SNRPN: variants seen among roughly 807,000 people sequenced by gnomAD.
SNRPN encodes small nuclear ribonucleoprotein polypeptide N, also known as small nuclear ribonucleoprotein-associated protein N.
SNRPN carries 7 observed loss-of-function variants against 25.2 expected under a neutral mutation model. That is an observed-to-expected ratio of 0.28 (90% CI 0.16 to 0.52). The LOEUF (loss-of-function observed/expected upper bound fraction) is 0.52, where lower values mean the gene tolerates loss of function less well. Among genes scored for constraint, SNRPN ranks in the 20% least tolerant of loss-of-function variants. The pLI is 0.96. For synonymous variants in SNRPN, 124 were observed against 110.6 expected, an observed-to-expected ratio of 1.12 and a Z score of -0.76; for missense variants, 196 against 322.5, an observed-to-expected ratio of 0.61 and a Z score of 3.00.
rs146618354 is a variant in SNRPN at position 24,968,163 on chromosome 15, C to T, written c.-144+81C>T. 1,024 of 844,794 alleles carry T rather than the reference C, an allele frequency of 1.2e-3. 6 individuals are homozygous for T. The African/African-American group carries it at 0.016, about 13-fold the overall frequency. 52.3% of individuals were successfully genotyped at this position (844,794 alleles called of 1,614,324 possible). On this transcript the variant is annotated intron_variant, in intron 3 of 9. Transcript: ENST00000390687. ...TGGGGGTTCTCTTAATTATCAGTGA[C>T]ACATTAATTTTTTTCCTTAGAGCTT... is the stretch of plus-strand genomic sequence containing the variant.
At chr15:24,907,738 G>A (rs369944231) in intron 2 of SNRPN, among the ~76,000 whole-genome samples, 19 of 151,788 alleles carry the variant, frequency 1.3e-4, no homozygotes, top group Middle Eastern at 3.4e-3. Context: ...AAGCCACCAC[G>A]CCTGGCCAAG....
intron 2 of SNRPN, among the ~76,000 whole-genome samples, chr15:24,836,506 T>G (rs117664854): frequency 0.14 from 21,463 of 151,474 alleles, 1,745 homozygotes; most frequent in African/African-American, 0.21. Flanking sequence ...CTGCGTCCCG[T>G]TTTCAAGCGA....
chr15:24,915,761 A>G (rs1236391607), intron 2 of SNRPN, among the ~76,000 whole-genome samples: 3 of 152,150 alleles, frequency 2.0e-5, no homozygotes, highest in East Asian at 1.9e-4. Flanking sequence ...TTGTAATTTG[A>G]CTTTTAAAAA....
At chr15:24,976,237 G>A in intron 5 of SNRPN, 68 bp from the exon 6 acceptor site, 1 of 1,191,726 alleles carries the variant, frequency 8.4e-7, no homozygotes, top group Non-Finnish European at 1.2e-6. Context: ...ACTTGAGGTT[G>A]TATAAATATT....
At chr15:24,945,395 C>T (rs1211354077) in intron 3 of SNRPN, among the ~76,000 whole-genome samples, 1 of 142,014 alleles carries the variant, frequency 7.0e-6, no homozygotes, top group Non-Finnish European at 1.5e-5. Context: ...ATGGTAGGTA[C>T]CTGTGCATAT....
chr15:24,917,310 A>G (rs2059587567), intron 2 of SNRPN, among the ~76,000 whole-genome samples: 4 of 152,154 alleles, frequency 2.6e-5, no homozygotes, highest in Admixed American at 2.6e-4. Flanking sequence ...TCCATCAACG[A>G]TTTAGTTCCT....
At chr15:24,844,700 CT>C (rs1420674708) in intron 2 of SNRPN, among the ~76,000 whole-genome samples, 1 of 151,870 alleles carries the variant, frequency 6.6e-6, no homozygotes, top group African/African-American at 2.4e-5. Flanking sequence ...AATTTTTGTA[CT>C]TTTGTAGAGA....
rs2076818522 is a variant in SNRPN at position 24,974,338 on chromosome 15, C to T, written c.-116C>T. 2 of 917,440 alleles carry T rather than the reference C, an allele frequency of 2.2e-6. No homozygotes were observed. The highest frequency in any genetic ancestry group is 2.6e-5 in the South Asian group (2 of 75,638). 56.8% of individuals were successfully genotyped at this position (917,440 alleles called of 1,614,324 possible). A position where few individuals can be genotyped will look rare whatever the true frequency, so the allele number is the denominator to read the frequency against. ...TCCATCTACTCTTTGAAGCTTCTGC[C>T]CAGCTTGCATTGTTTCTAGGAGAAC... is the stretch of plus-strand genomic sequence containing the variant. On this transcript the variant is annotated 5_prime_UTR_variant, in exon 4 of 10. Transcript: ENST00000390687.
At chr15:24,857,770 A>G (rs1298259669) in intron 1 of SNRPN, among the ~76,000 whole-genome samples, 1 of 152,156 alleles carries the variant, frequency 6.6e-6, no homozygotes, top group African/African-American at 2.4e-5. Flanking sequence ...AGGGAACTAT[A>G]ATAGAGAAGC....
chr15:24,848,207 G>A (rs1202236441), intron 2 of SNRPN: 2 of 119,564 alleles, frequency 1.7e-5, no homozygotes, highest in African/African-American at 2.9e-5. Context: ...GTCACAGGAC[G>A]GAGCTGGGGG....
At chr15:24,852,609 C>T (rs1228902303), upstream of SNRPN, among the ~76,000 whole-genome samples, 4 of 152,070 alleles carry the variant, frequency 2.6e-5, no homozygotes, top group African/African-American at 9.7e-5. Flanking sequence ...AACAGAATAA[C>T]ATATTAGTTA....
In SNRPN at chr15:24,831,899, A is replaced by T. The variant is rs2141603877; in HGVS notation, c.-579+1994A>T. ...TGATGGGCACTTAGGTTGATCCCAT[A>T]TTTGGCTATTGTGACTAATTCTGGA... On this transcript the variant is annotated intron_variant, in intron 2 of 12. Coordinates refer to the SNRPN transcript ENST00000400100. 1.3e-5 allele frequency among the ~76,000 whole-genome samples: 2 copies of T among 152,094 alleles called. 1 individual carries two copies. Among genetic ancestry groups the T allele is most frequent in the African/African-American group, 4.8e-5 (2 of 41,412 alleles).
At chr15:24,965,577 T>C (rs1219233082) in intron 2 of SNRPN, among the ~76,000 whole-genome samples, 1 of 152,178 alleles carries the variant, frequency 6.6e-6, no homozygotes, top group Admixed American at 6.6e-5. Context: ...TATTTTAAAT[T>C]TTTTATTCTG....
chr15:24,862,467 T>C (rs754154952), intron 1 of SNRPN, among the ~76,000 whole-genome samples: 2 of 150,700 alleles, frequency 1.3e-5, no homozygotes, highest in Non-Finnish European at 2.9e-5. Context: ...CCTCTTCAGA[T>C]TGAAAGAGAG....
chr15:24,837,477 T>C (rs1595381065), intron 2 of SNRPN, among the ~76,000 whole-genome samples: 2 of 149,470 alleles, frequency 1.3e-5, no homozygotes, highest in South Asian at 4.3e-4. Context: ...CACGCCATTC[T>C]CCTGCCTCAG....
chr15:24,922,082 G>T (rs1034726616), intron 3 of SNRPN, among the ~76,000 whole-genome samples: 1 of 151,780 alleles, frequency 6.6e-6, no homozygotes, highest in African/African-American at 2.4e-5. Context: ...GCACCGTGGC[G>T]GGCTCCTGTA....
intron 2 of SNRPN, among the ~76,000 whole-genome samples, chr15:24,893,208 A>AAAACAAAC (rs113345707): frequency 5.0e-5 from 7 of 140,250 alleles, no homozygotes; most frequent in African/African-American, 1.1e-4. Context: ...ACTCTGTCTC[A>AAAACAAAC]AAACAAACAA....
chr15:24,947,763 A>G (rs1204491899), intron 3 of SNRPN, among the ~76,000 whole-genome samples: 1 of 152,176 alleles, frequency 6.6e-6, no homozygotes, highest in Non-Finnish European at 1.5e-5. Context: ...TCTTATTTCC[A>G]TGTCTGGGTT....
At chr15:24,865,315 A>G (rs2054471693) in intron 1 of SNRPN, among the ~76,000 whole-genome samples, 2 of 152,056 alleles carry the variant, frequency 1.3e-5, no homozygotes, top group Admixed American at 1.3e-4. Flanking sequence ...CCAAAGTGCT[A>G]TGATTACAGG....
Sources: allele counts gnomAD v4.1 joint callset (sites outside exome capture counted in the v4.1 genomes callset), GRCh38; gene constraint gnomAD v4.1.1; transcripts MANE v1.5; gene names NCBI Gene and HGNC (gene_info 2026-07-23, HGNC 2026-07-21).